The following STRN variants were observed in gnomAD, a reference collection of about 807,000 sequenced individuals.
The protein encoded by STRN is striatin, also known as protein phosphatase 2 regulatory subunit B'''alpha.
In STRN, 53 loss-of-function variants were observed where a neutral mutation model predicts 96.3. The ratio of observed to expected loss-of-function variants is 0.55; its 90% confidence interval spans 0.44 to 0.69. The LOEUF is 0.69. Ranked by LOEUF, STRN falls within the 30% of genes least tolerant of loss-of-function variation. STRN has a pLI of 0.00. For missense variants in STRN, 987 were observed against 963.9 expected, an observed-to-expected ratio of 1.02 and a Z score of -0.32; for synonymous variants, 428 against 355.9, an observed-to-expected ratio of 1.20 and a Z score of -2.28.
chr2:36,917,052 T>A (rs3770778), intron 2 of STRN, among the ~76,000 whole-genome samples: 70,513 of 135,130 alleles, frequency 0.52, 17,367 homozygotes, highest in East Asian at 0.67. Context: ...AATAAAAAAA[T>A]AAAAAATAAA....
chr2:36,853,394 G>C (rs1238342135), intron 15 of STRN, among the ~76,000 whole-genome samples: 1 of 152,190 alleles, frequency 6.6e-6, no homozygotes, highest in Non-Finnish European at 1.5e-5. Flanking sequence ...TATTCTGAGA[G>C]AGACGTTTCA....
At chr2:36,891,584 G>C (rs1669399900) in intron 7 of STRN, among the ~76,000 whole-genome samples, 1 of 152,148 alleles carries the variant, frequency 6.6e-6, no homozygotes, top group African/African-American at 2.4e-5. Flanking sequence ...AGGCGGGGTT[G>C]AGTCTACTTT....
chr2:36,956,313 C>T (rs1664886671), intron 1 of STRN, among the ~76,000 whole-genome samples: 2 of 152,152 alleles, frequency 1.3e-5, no homozygotes. Context: ...TTAAACCTTA[C>T]AGCGATCCTG....
At chr2:36,940,024 C>T (rs1199492043) in intron 1 of STRN, among the ~76,000 whole-genome samples, 7 of 152,162 alleles carry the variant, frequency 4.6e-5, no homozygotes, top group African/African-American at 1.7e-4. Flanking sequence ...CATATTCCCA[C>T]CATAGACATA....
At position 36,905,615 on chromosome 2, in the gene STRN, T is replaced by C. The variant is rs773699504; in HGVS notation, c.416A>G (p.Glu139Gly). 1 of 1,612,790 alleles carries C rather than the reference T, an allele frequency of 6.2e-7. No individual in the cohort carries two copies. Among genetic ancestry groups the C allele is most frequent in the Admixed American group, 1.7e-5 (1 of 60,026 alleles). Residue 139 changes from glutamate (E) to glycine (G), a missense_variant, in exon 4 of 18, where the codon GAA (glutamate) becomes GGA (glycine). Transcript: ENST00000263918. ...DMKPPSYDSDEGNETEVQPQQ... is the reference protein window; with the variant it reads ...DMKPPSYDSDGGNETEVQPQQ... ...TGGCTGCACTTCTGTTTCATTACCT[T>C]CATCTAGAAAACATTAAGTCATAAT... is the stretch of plus-strand genomic sequence containing the variant.
intron 1 of STRN, among the ~76,000 whole-genome samples, chr2:36,959,719 A>G (rs1664981823): frequency 6.6e-6 from 1 of 152,262 alleles, no homozygotes; most frequent in Non-Finnish European, 1.5e-5. Flanking sequence ...CCATCCATAT[A>G]GGGAATACTA....
intron 5 of STRN, among the ~76,000 whole-genome samples, chr2:36,901,743 T>G (rs557919134): frequency 1.3e-4 from 20 of 152,314 alleles, no homozygotes; most frequent in African/African-American, 4.6e-4. Flanking sequence ...AATGTATTCT[T>G]AATTATTAAT....
intron 1 of STRN, among the ~76,000 whole-genome samples, chr2:36,949,118 T>C (rs998647995): frequency 4.6e-5 from 7 of 152,188 alleles, no homozygotes; most frequent in Non-Finnish European, 1.0e-4. Context: ...GATACACAAA[T>C]ATTCGTCTTG....
intron 8 of STRN, among the ~76,000 whole-genome samples, chr2:36,885,656 T>C (rs11886780): frequency 0.011 from 1,635 of 152,270 alleles, 32 homozygotes; most frequent in African/African-American, 0.036. Flanking sequence ...TCTAAAATAT[T>C]TTAAATAAAG....
chr2:36,925,923 C>T (rs1200774972), intron 1 of STRN, among the ~76,000 whole-genome samples: 1 of 152,160 alleles, frequency 6.6e-6, no homozygotes, highest in Non-Finnish European at 1.5e-5. Context: ...TCCCCTTGCA[C>T]AAGCTTCATC....
chr2:36,925,793 T>C (rs1670393631), intron 1 of STRN, among the ~76,000 whole-genome samples: 1 of 152,038 alleles, frequency 6.6e-6, no homozygotes, highest in Admixed American at 6.6e-5. Flanking sequence ...ATAAAACAAC[T>C]AATATTAATG....
At chr2:36,871,955 G>A (rs539297957) in intron 10 of STRN, among the ~76,000 whole-genome samples, 39 of 152,200 alleles carry the variant, frequency 2.6e-4, no homozygotes, top group Non-Finnish European at 4.1e-4. Context: ...AGGAACTACT[G>A]TAACTACTGG....
chr2:36,924,144 C>T (rs576532517), intron 2 of STRN, among the ~76,000 whole-genome samples: 2 of 151,994 alleles, frequency 1.3e-5, no homozygotes, highest in Non-Finnish European at 2.9e-5. Flanking sequence ...ATCACGAGGT[C>T]AGGAGATCAA....
At chr2:36,868,020 T>C (rs891232861) in intron 11 of STRN, among the ~76,000 whole-genome samples, 159 bp from the exon 12 acceptor site, 20 of 152,328 alleles carry the variant, frequency 1.3e-4, no homozygotes, top group Non-Finnish European at 2.4e-4. Context: ...AATTATACTT[T>C]CATGGCATCA....
At chr2:36,890,161 G>C (rs1669350128) in intron 7 of STRN, among the ~76,000 whole-genome samples, 1 of 152,164 alleles carries the variant, frequency 6.6e-6, no homozygotes, top group South Asian at 2.1e-4. Context: ...TAAAATATGA[G>C]TAACTTGATA....
intron 3 of STRN, among the ~76,000 whole-genome samples, chr2:36,912,111 C>T (rs951045214): frequency 3.9e-5 from 6 of 152,192 alleles, no homozygotes; most frequent in African/African-American, 1.4e-4. Context: ...AAGACATGCT[C>T]CTCCTGCCAT....
At position 36,905,587 on chromosome 2, in the gene STRN, T is replaced by C. The variant is rs1211575727; in HGVS notation, c.444A>G (p.Gln148=). The stretch of plus-strand genomic sequence containing the variant: ...GTTTCCACATTAACTGGCTGTTTTG[T>C]TGTGGCTGCACTTCTGTTTCATTAC... ...DEGNETEVQP[Q]QNSQLMWKQG... Residue 148 remains glutamine (Q), a synonymous_variant, in exon 4 of 18, where the codon CAA becomes CAG. Transcript: ENST00000263918. 52 of 1,613,368 alleles carry C rather than the reference T, an allele frequency of 3.2e-5. No homozygotes were observed. Among genetic ancestry groups the C allele is most frequent in the Non-Finnish European group, 4.3e-5 (51 of 1,179,900 alleles).
intron 5 of STRN, among the ~76,000 whole-genome samples, chr2:36,902,354 T>A (rs1338136431): frequency 6.6e-6 from 1 of 152,152 alleles, no homozygotes; most frequent in Non-Finnish European, 1.5e-5. Flanking sequence ...TATACTAAAA[T>A]CTATTAAATA....
At position 36,873,152 on chromosome 2, in the gene STRN, G is replaced by A. The variant is rs1017798459; in HGVS notation, c.1324-3423C>T. 1.3e-5 allele frequency among the ~76,000 whole-genome samples: 2 copies of A among 152,322 alleles called. 1 individual carries two copies. Among genetic ancestry groups the A allele is most frequent in the Admixed American group, 1.3e-4 (2 of 15,304 alleles). On this transcript the variant is annotated intron_variant, in intron 10 of 17. Transcript: ENST00000263918. ...AACTAGAAAAAGCCAAGCTTGCAGG[G>A]ACTGTAAAAATTTAAAATGGAATAA...
Sources: allele counts gnomAD v4.1 joint callset (sites outside exome capture counted in the v4.1 genomes callset), GRCh38; gene constraint gnomAD v4.1.1; transcripts MANE v1.5; gene names NCBI Gene and HGNC (gene_info 2026-07-23, HGNC 2026-07-21).